Variants in HEG1 observed in about 807,000 individuals in gnomAD.
HEG1 encodes heart development protein with EGF like domains 1, also known as protein HEG homolog 1.
In HEG1, 56 loss-of-function variants were observed where a neutral mutation model predicts 125.6. That is an observed-to-expected ratio of 0.45 (90% CI 0.36 to 0.56). The LOEUF is 0.56. Among genes scored for constraint, HEG1 ranks in the 20% least tolerant of loss-of-function variants. The pLI, the probability that HEG1 is intolerant of heterozygous loss-of-function variation, is 0.00. For missense variants in HEG1, 1,523 were observed against 1,670.0 expected (o/e 0.91, Z 1.53); for synonymous variants, 644 against 668.5 (o/e 0.96, Z 0.57).
chr3:124,976,788 C>T (rs1046194522), intron 15 of HEG1, among the ~76,000 whole-genome samples: 6 of 152,146 alleles, frequency 3.9e-5, no homozygotes, highest in African/African-American at 1.4e-4. Flanking sequence ...TACCTCTCCC[C>T]TAGCCCCCCA....
intron 4 of HEG1, among the ~76,000 whole-genome samples, chr3:125,020,085 A>G (rs570611719): frequency 6.6e-6 from 1 of 152,336 alleles, no homozygotes; most frequent in South Asian, 2.1e-4. Flanking sequence ...ATATCTGCAC[A>G]TTTATGCAGA....
intron 14 of HEG1, among the ~76,000 whole-genome samples, chr3:124,980,819 T>G (rs1355801903): frequency 2.0e-5 from 3 of 151,638 alleles, no homozygotes; most frequent in Non-Finnish European, 2.9e-5. Context: ...GCGCCTGGCC[T>G]GAGGACCAGT....
At chr3:124,971,388 T>C (rs1233761421) in intron 16 of HEG1, among the ~76,000 whole-genome samples, 2 of 152,138 alleles carry the variant, frequency 1.3e-5, no homozygotes, top group African/African-American at 2.4e-5. Context: ...CAGCTATTTT[T>C]TTCCTTCTTT....
chr3:125,039,434 T>C (rs552431100), intron 1 of HEG1, among the ~76,000 whole-genome samples: 3 of 151,914 alleles, frequency 2.0e-5, no homozygotes, highest in Admixed American at 6.6e-5. Flanking sequence ...TCCAAAGAGG[T>C]AATTTCCTCC....
intron 4 of HEG1, 76 bp downstream of exon 4, chr3:125,020,716 T>A (rs1937322860): frequency 3.3e-6 from 4 of 1,209,774 alleles, no homozygotes; most frequent in Non-Finnish European, 4.7e-6. Flanking sequence ...TTACAAATGG[T>A]CTTGAAGAGG....
At position 125,013,121 on chromosome 3, in the gene HEG1, T is replaced by C; in HGVS notation, c.2458A>G (p.Thr820Ala). 1 of 1,613,978 alleles carries C rather than the reference T, an allele frequency of 6.2e-7. No individual in the cohort carries two copies. The highest frequency in any genetic ancestry group is 8.5e-7 in the Non-Finnish European group (1 of 1,179,878). ...AGGGTTTGCTCTGTGGAGGACTCTG[T>C]TAAGGATGGAGGCAAAGGAGAGTTT... is the stretch of plus-strand genomic sequence containing the variant. ...TTNSPLPPSL[T>A]ESSTEQTLPA... The change falls in exon 6 of 17, where the codon ACA (threonine) becomes GCA (alanine). Residue 820 changes from threonine (T) to alanine (A), a missense_variant. Transcript: ENST00000311127.
intron 14 of HEG1, among the ~76,000 whole-genome samples, chr3:124,986,244 CT>C (rs996313971): frequency 2.0e-5 from 3 of 152,188 alleles, no homozygotes; most frequent in Non-Finnish European, 4.4e-5. Context: ...CCTCATTGGG[CT>C]TGGGTAGAGC....
Position 125,019,353 on chromosome 3 carries a change from G to A in HEG1, c.1497C>T (p.His499=). The change falls in exon 5 of 17, where the codon CAC becomes CAT. Residue 499 remains histidine (H), a synonymous_variant. Transcript: ENST00000311127. The stretch of plus-strand genomic sequence containing the variant: ...AATAACTCCTATCTCCCAATGCTGT[G>A]TGACTTCCTCCAGACTGTACAGTAG... The part of the protein sequence containing the change: ...SDSTVQSGGS[H]TALGDRSYSE... 1 of 1,614,048 alleles carries A rather than the reference G, an allele frequency of 6.2e-7. No homozygotes were observed. The highest frequency in any genetic ancestry group is 2.2e-5 in the East Asian group (1 of 44,890).
intron 14 of HEG1, among the ~76,000 whole-genome samples, chr3:124,985,902 C>T (rs535038479): frequency 5.3e-5 from 8 of 152,338 alleles, no homozygotes; most frequent in Non-Finnish European, 7.4e-5. Flanking sequence ...CTCAGCCTCC[C>T]GCGTAGCTGG....
At chr3:125,036,209 C>CAAAAAAAAAAAAAAAAAA (rs10658772) in intron 1 of HEG1, among the ~76,000 whole-genome samples, 83 of 70,494 alleles carry the variant, frequency 1.2e-3, no homozygotes, top group East Asian at 2.0e-3. Context: ...GACCCTGTCT[C>CAAAAAAAAAAAAAAAAAA]AAAAAAAAAA....
chr3:125,017,757 A>G (rs1342112775), intron 5 of HEG1, among the ~76,000 whole-genome samples: 1 of 151,850 alleles, frequency 6.6e-6, no homozygotes, highest in Non-Finnish European at 1.5e-5. Flanking sequence ...ATGGTGGCTC[A>G]TGCCTGCAAT....
In HEG1 at chr3:125,029,316, G is replaced by A. The variant is rs376664096; in HGVS notation, c.489C>T (p.Leu163=). The part of the protein sequence containing the change: ...ASDAPENLTL[L]AETADARGRS... ...TTCCTCTAGCATCTGCTGTTTCAGC[G>A]AGTAGAGTGAGGTTTTCTGGAGCAT... The change falls in exon 2 of 17, where the codon CTC becomes CTT. Residue 163 remains leucine (L), a synonymous_variant. Coordinates refer to ENST00000311127, the MANE Select transcript of HEG1 (RefSeq NM_020733.2). The A allele has an allele frequency of 1.2e-4, 194 of 1,613,870 alleles. No homozygotes were observed. The highest frequency in any genetic ancestry group is 1.5e-4 in the Non-Finnish European group (180 of 1,179,898).
At chr3:124,981,071 C>T (rs884951) in intron 14 of HEG1, among the ~76,000 whole-genome samples, 101,727 of 150,984 alleles carry the variant, frequency 0.67, 35,040 homozygotes, top group African/African-American at 0.84. Context: ...ACTCCTGGCC[C>T]CAAGTGGTCC....
At position 125,027,316 on chromosome 3, in the gene HEG1, T is replaced by C. The variant is rs1382689396; in HGVS notation, c.802A>G (p.Met268Val). The stretch of plus-strand genomic sequence containing the variant: ...CTAGAAGGCGTGGTCAGCTCTCCCA[T>C]CTCCAAAGCAGGAAGAAAGGACGGG... ...WSPSFLPALE[M>V]GELTTPSRKR... The change falls in exon 3 of 17, where the codon ATG becomes GTG. Residue 268 changes from methionine to valine, a missense_variant. Met to Val is a conservative substitution (Grantham distance 21). Transcript: ENST00000311127. The C allele has an allele frequency of 6.2e-7, 1 of 1,613,898 alleles. No homozygotes were observed. Among genetic ancestry groups the C allele is most frequent in the Non-Finnish European group, 8.5e-7 (1 of 1,179,864 alleles).
In HEG1 at chr3:125,013,088, T is replaced by C; in HGVS notation, c.2491A>G (p.Thr831Ala). 1 of 1,613,974 alleles carries C rather than the reference T, an allele frequency of 6.2e-7. No homozygotes were observed. The highest frequency in any genetic ancestry group is 8.5e-7 in the Non-Finnish European group (1 of 1,179,880). ...ESSTEQTLPA[T>A]STNLAQMSPT... ...GACATTTGTGCTAAGTTGGTGCTTG[T>C]GGCTGGAAGGGTTTGCTCTGTGGAG... Residue 831 changes from threonine (T) to alanine (A), a missense_variant, in exon 6 of 17, where the codon ACA becomes GCA. Transcript: ENST00000311127.
At chr3:125,046,635 C>T (rs1937675578) in intron 1 of HEG1, among the ~76,000 whole-genome samples, 1 of 152,146 alleles carries the variant, frequency 6.6e-6, no homozygotes, top group African/African-American at 2.4e-5. Context: ...AATAATGATA[C>T]ATTTCCATCC....
At chr3:125,034,592 G>T (rs764358906) in intron 1 of HEG1, among the ~76,000 whole-genome samples, 58 of 152,142 alleles carry the variant, frequency 3.8e-4, no homozygotes, top group Non-Finnish European at 7.8e-4. Flanking sequence ...GAGCCCACGA[G>T]TTCAAGACCA....
intron 5 of HEG1, chr3:125,014,763 T>C: frequency 7.0e-6 from 9 of 1,288,962 alleles, no homozygotes; most frequent in Non-Finnish European, 9.1e-6. Context: ...GCCCATGTCG[T>C]CCGTCACGTT....
rs781127980 is a variant in HEG1, at chr3:124,990,924, T to C, written c.3695+20A>G. 18 of 1,555,612 alleles carry C rather than the reference T, an allele frequency of 1.2e-5. No individual in the cohort carries two copies. The highest frequency in any genetic ancestry group is 2.4e-5 in the East Asian group (1 of 41,938). On this transcript the variant is annotated intron_variant, in intron 13 of 16. Coordinates refer to ENST00000311127, the MANE Select transcript of HEG1 (RefSeq NM_020733.2). ...AATAAGATTTGTAACAAAATTAGAC[T>C]AAATCAACATGGAGCCTACCTCATG...
Sources: gnomAD v4.1 joint callset for allele counts (sites outside exome capture counted in the v4.1 genomes callset) on GRCh38, gnomAD v4.1.1 for gene constraint, MANE v1.5 for transcripts, NCBI Gene and HGNC (gene_info 2026-07-23, HGNC 2026-07-21) for gene names.